The following DIPK2B variants were observed in gnomAD, a reference collection of about 807,000 sequenced individuals.
The protein encoded by DIPK2B is UPF0672 protein CXorf36.
A neutral mutation model predicts 22.2 loss-of-function variants in DIPK2B; 15 were observed. The ratio of observed to expected loss-of-function variants is 0.68; its 90% CI spans 0.45 to 1.04. DIPK2B has a LOEUF of 1.04. Among genes scored for constraint, DIPK2B ranks in the 50% least tolerant of loss-of-function variants. DIPK2B has a pLI of 0.00. For synonymous variants in DIPK2B, 163 were observed against 153.2 expected (o/e 1.06, Z -0.47); for missense variants, 345 against 348.3 (o/e 0.99, Z 0.08).
intron 3 of DIPK2B, among the ~76,000 whole-genome samples, chrX:45,156,905 C>T (rs1366887363): frequency 9.2e-6 from 1 of 108,488 alleles, no homozygotes; most frequent in Non-Finnish European, 1.9e-5. Flanking sequence ...TCCTTCTCTT[C>T]TCCTCCTTCC....
chrX:45,191,723 A>AC (rs1479054066), intron 2 of DIPK2B, 28 bp downstream of exon 2: 4 of 1,191,067 alleles, frequency 3.4e-6, no homozygotes, highest in Non-Finnish European at 3.4e-6. Flanking sequence ...TCCCCTTCAC[A>AC]CCCCCTTCCC....
intron 1 of DIPK2B, 74 bp from the exon 2 acceptor site, chrX:45,192,089 G>C: frequency 1.0e-6 from 1 of 993,186 alleles, no homozygotes; most frequent in South Asian, 2.3e-5. Flanking sequence ...AGGAAGACAG[G>C]GGACAATAGC....
intron 4 of DIPK2B, among the ~76,000 whole-genome samples, chrX:45,153,030 G>A (rs905192126): frequency 8.9e-6 from 1 of 112,254 alleles, no homozygotes; most frequent in Admixed American, 9.4e-5. Context: ...TGTGACTGAC[G>A]TTTCATGATT....
intron 1 of DIPK2B, among the ~76,000 whole-genome samples, chrX:45,200,025 G>A (rs2047258952): frequency 1.8e-5 from 2 of 111,947 alleles, no homozygotes; most frequent in African/African-American, 6.5e-5. Flanking sequence ...CTACTTATTC[G>A]GTGGTGACCT....
rs779154309 is a variant in DIPK2B, at chrX:45,157,751, G to A, written c.636C>T (p.Tyr212=). ...FTDRDKLRLL[Y]TLAVNSHPIL... is the part of the protein sequence containing the mutation. Reference sequence around the variant, plus strand: ...TGGGGTGCGAGTTGACAGCCAGCGTGTAGAGCAGGCGCAGCTTGTCACGGT... The same window carrying A: ...TGGGGTGCGAGTTGACAGCCAGCGTATAGAGCAGGCGCAGCTTGTCACGGT... Residue 212 remains tyrosine, a synonymous_variant, in exon 3 of 5, where the codon TAC becomes TAT. Coordinates refer to ENST00000398000, the MANE Select transcript of DIPK2B (RefSeq NM_176819.4). The A allele has an allele frequency of 7.7e-5, 92 of 1,196,322 alleles. No homozygotes were observed. The highest frequency in any genetic ancestry group is 8.9e-5 in the African/African-American group (5 of 56,146).
chrX:45,200,504 A>G (rs920981437), intron 1 of DIPK2B, 90 bp downstream of exon 1: 4 of 860,789 alleles, frequency 4.6e-6, no homozygotes, highest in Admixed American at 5.5e-5. Flanking sequence ...CCCATATTAC[A>G]TCCTGATTCC....
Position 45,149,814 on chromosome X carries a change from C to T in DIPK2B, c.*1838G>A, listed in dbSNP as rs2046951226. 8.9e-6 allele frequency: 1 copy of T among 112,942 alleles called. No individual in the cohort carries two copies. Among genetic ancestry groups the T allele is most frequent in the Admixed American group, 9.4e-5 (1 of 10,682 alleles). The allele number at this position is 112,942 out of a possible 1,213,427, so 9.3% of individuals were successfully genotyped here. On this transcript the variant is annotated 3_prime_UTR_variant, in exon 5 of 5. Coordinates refer to ENST00000398000, the MANE Select transcript of DIPK2B (RefSeq NM_176819.4). ...TCTAGAAATATCTCCACAGATCGCT[C>T]TTCCTCCCTGGGCCTCAGTTTCCTC...
chrX:45,154,291 CTATCT>C, intron 3 of DIPK2B, 93 bp from the exon 4 acceptor site: 1 of 589,724 alleles, frequency 1.7e-6, no homozygotes, highest in Non-Finnish European at 2.5e-6. Context: ...ATCTATCTAT[CTATCT>C]ATCTATCTAT....
At chrX:45,181,341 C>A (rs2047150969) in intron 2 of DIPK2B, among the ~76,000 whole-genome samples, 1 of 111,921 alleles carries the variant, frequency 8.9e-6, no homozygotes, top group Admixed American at 9.5e-5. Flanking sequence ...AAAATTACAG[C>A]AGGTTTTGTG....
chrX:45,195,643 ACTTAGTTAAGCTTAGAGCTC>A (rs901496326), intron 1 of DIPK2B, among the ~76,000 whole-genome samples: 3 of 111,986 alleles, frequency 2.7e-5, no homozygotes, highest in Non-Finnish European at 5.6e-5. Context: ...TAGAGCTTAA[ACTTAGTTAAGCTTAGAGCTC>A]CTTAGTTAAG....
chrX:45,179,669 T>A (rs4336736), intron 2 of DIPK2B, among the ~76,000 whole-genome samples: 46,251 of 110,399 alleles, frequency 0.42, 7,815 homozygotes, highest in African/African-American at 0.66. Flanking sequence ...GCAGCAGAAC[T>A]TATTAGTGAG....
intron 3 of DIPK2B, among the ~76,000 whole-genome samples, chrX:45,156,174 G>T (rs1406288645): frequency 1.8e-5 from 2 of 108,711 alleles, no homozygotes; most frequent in African/African-American, 6.7e-5. Flanking sequence ...GCTTCATCAT[G>T]TTGGCCAGGC....
chrX:45,165,010 A>G (rs902816610), intron 2 of DIPK2B, among the ~76,000 whole-genome samples: 1 of 111,511 alleles, frequency 9.0e-6, no homozygotes, highest in African/African-American at 3.3e-5. Context: ...AGAATCGCAC[A>G]GTGTGTCCCA....
intron 2 of DIPK2B, among the ~76,000 whole-genome samples, chrX:45,179,069 C>T (rs1420466173): frequency 9.0e-6 from 1 of 111,106 alleles, no homozygotes; most frequent in African/African-American, 3.3e-5. Context: ...ATTTTTCTCC[C>T]CAGGGGATAT....
At position 45,172,474 on chromosome X, in the gene DIPK2B, T is replaced by C. The variant is rs370437209; in HGVS notation, c.499-14586A>G. Among the ~76,000 whole-genome samples the C allele has an allele frequency of 1.3e-4, 14 of 111,708 alleles. No homozygotes were observed. In the East Asian group the frequency reaches 2.5e-3, roughly 20 times the overall value. Reference sequence around the variant, plus strand: ...TAGTGATTATGGCCTCCTCTTCCATTGGGTAGCCCACACCTTGGATGACCC... The same window carrying C: ...TAGTGATTATGGCCTCCTCTTCCATCGGGTAGCCCACACCTTGGATGACCC... On this transcript the variant is annotated intron_variant, in intron 2 of 4. Transcript: ENST00000398000.
chrX:45,182,074 C>CAA (rs200586875), intron 2 of DIPK2B, among the ~76,000 whole-genome samples: 17,140 of 86,506 alleles, frequency 0.2, 1,488 homozygotes, highest in African/African-American at 0.28. Flanking sequence ...CACCCTGTCT[C>CAA]AAAAAAAAAA....
At chrX:45,198,126 A>G (rs1460736047) in intron 1 of DIPK2B, among the ~76,000 whole-genome samples, 1 of 111,746 alleles carries the variant, frequency 8.9e-6, no homozygotes, top group Non-Finnish European at 1.9e-5. Context: ...TCCAAAAAGT[A>G]TACACAGCAT....
At chrX:45,191,638 G>A in intron 2 of DIPK2B, 113 bp downstream of exon 2, 1 of 951,214 alleles carries the variant, frequency 1.1e-6, no homozygotes, top group Non-Finnish European at 1.4e-6. Context: ...TCACACTTCA[G>A]ACAGACCACA....
At chrX:45,169,388 T>C (rs2047067061) in intron 2 of DIPK2B, among the ~76,000 whole-genome samples, 1 of 112,402 alleles carries the variant, frequency 8.9e-6, no homozygotes, top group African/African-American at 3.2e-5. Context: ...AAGCTATTTT[T>C]GACTTCCTTA....
Sources: gnomAD v4.1 joint callset for allele counts (sites outside exome capture counted in the v4.1 genomes callset) on GRCh38, gnomAD v4.1.1 for gene constraint, MANE v1.5 for transcripts, NCBI Gene and HGNC (gene_info 2026-07-23, HGNC 2026-07-21) for gene names.